Variants in MAP2 observed in about 807,000 individuals in gnomAD.
MAP2 encodes microtubule associated protein 2.
In MAP2, 14 loss-of-function variants were observed where a neutral mutation model predicts 137.6. That is an observed-to-expected ratio of 0.10 (90% CI 0.07 to 0.16). MAP2 has a LOEUF of 0.16. Among genes scored for constraint, MAP2 ranks in the 10% least tolerant of loss-of-function variants. MAP2 has a pLI of 1.00. For synonymous variants in MAP2, 786 were observed against 782.3 expected (o/e 1.00, Z -0.08); for missense variants, 2,088 against 2,191.5 (o/e 0.95, Z 0.94).
At chr2:209,710,301 A>T in intron 13 of MAP2, 47 bp downstream of exon 13, 3 of 1,431,710 alleles carry the variant, frequency 2.1e-6, no homozygotes, top group African/African-American at 1.4e-5. Context: ...TAATTATTAC[A>T]TTGCCTTCTT....
At position 209,695,082 on chromosome 2, in the gene MAP2, C is replaced by G; in HGVS notation, c.2912C>G (p.Ala971Gly). 6.2e-7 allele frequency: 1 copy of G among 1,614,078 alleles called. No homozygotes were observed. The highest frequency in any genetic ancestry group is 8.5e-7 in the Non-Finnish European group (1 of 1,180,008). ...DTVLEKSEEHADSKEHAKKTE... is the reference protein window; with the variant it reads ...DTVLEKSEEHGDSKEHAKKTE... ...GTACTAGAAAAGAGTGAAGAACATGCTGATTCAAAAGAACATGCCAAGAAA... is the reference window on the plus strand; with the variant it reads ...GTACTAGAAAAGAGTGAAGAACATGGTGATTCAAAAGAACATGCCAAGAAA... Residue 971 changes from alanine to glycine, a missense_variant, in exon 8 of 16, where the codon GCT becomes GGT. Transcript: ENST00000682079.
At chr2:209,522,457 G>GA (rs751090299) in intron 2 of MAP2, among the ~76,000 whole-genome samples, 38 of 152,148 alleles carry the variant, frequency 2.5e-4, no homozygotes, top group Non-Finnish European at 5.3e-4. Flanking sequence ...TCAGGTTGAG[G>GA]AAAATATTGC....
chr2:209,471,095 T>G (rs1705599403), intron 1 of MAP2, among the ~76,000 whole-genome samples: 1 of 152,200 alleles, frequency 6.6e-6, no homozygotes. Flanking sequence ...CTCTTGCCTG[T>G]TTTCCTAGTC....
At chr2:209,591,627 G>C (rs1264143802) in intron 3 of MAP2, among the ~76,000 whole-genome samples, 3 of 152,146 alleles carry the variant, frequency 2.0e-5, no homozygotes, top group African/African-American at 7.2e-5. Flanking sequence ...AGGACCAAAA[G>C]AAAATGAAAG....
rs181207847 is a variant in MAP2 at position 209,653,303 on chromosome 2, G to A, written c.133G>A (p.Ala45Thr). Residue 45 changes from alanine (A) to threonine (T), a missense_variant, in exon 5 of 16, where the codon GCC becomes ACC. Physicochemically the swap from Ala to Thr is moderately conservative, Grantham distance 58. Transcript: ENST00000682079. ...GGAGEGLVRS[A>T]NGFPYREDEE... ...AGCAGGGGAAGGACTTGTCCGAAGC[G>A]CCAATGGATTCCCATACAGGGAGGA... The A allele has an allele frequency of 5.6e-5, 91 of 1,614,128 alleles. No individual in the cohort carries two copies. In the Admixed American group the frequency reaches 1.2e-3, roughly 22 times the overall value.
At chr2:209,679,271 C>T (rs958205510) in intron 6 of MAP2, among the ~76,000 whole-genome samples, 2 of 151,926 alleles carry the variant, frequency 1.3e-5, no homozygotes, top group African/African-American at 4.8e-5. Flanking sequence ...AGTCATTTAA[C>T]GCATGCTTGC....
chr2:209,677,384 G>GATT (rs1349485757), intron 5 of MAP2, among the ~76,000 whole-genome samples: 1 of 148,530 alleles, frequency 6.7e-6, no homozygotes, highest in Non-Finnish European at 1.5e-5. Context: ...ATAGATGATA[G>GATT]ATTAGATAGA....
chr2:209,506,133 A>G (rs1576571489), intron 1 of MAP2, among the ~76,000 whole-genome samples: 1 of 152,190 alleles, frequency 6.6e-6, no homozygotes, highest in East Asian at 1.9e-4. Context: ...AAGTCAAGAT[A>G]GATATACTAA....
chr2:209,563,297 A>G (rs762496193), intron 2 of MAP2, among the ~76,000 whole-genome samples: 2 of 152,196 alleles, frequency 1.3e-5, no homozygotes, highest in South Asian at 2.1e-4. Flanking sequence ...CAGAGTTGCT[A>G]TGAGGATTAA....
At chr2:209,531,766 G>A (rs979363725) in intron 2 of MAP2, among the ~76,000 whole-genome samples, 1 of 152,110 alleles carries the variant, frequency 6.6e-6, no homozygotes, top group Non-Finnish European at 1.5e-5. Context: ...TGAAATTTAA[G>A]TGAGCTTAAT....
intron 3 of MAP2, among the ~76,000 whole-genome samples, chr2:209,597,980 G>C (rs930667668): frequency 5.3e-5 from 8 of 151,946 alleles, no homozygotes; most frequent in Non-Finnish European, 7.4e-5. Context: ...GAATCTCCAT[G>C]AGTGTCTGTC....
intron 2 of MAP2, among the ~76,000 whole-genome samples, chr2:209,560,152 A>C (rs1200403925): frequency 6.6e-6 from 1 of 152,176 alleles, no homozygotes; most frequent in South Asian, 2.1e-4. Flanking sequence ...ACTAAACAGA[A>C]CAGATGAAAG....
rs79835063 is a variant in MAP2 at position 209,631,572 on chromosome 2, C to CA, written c.-30+6456dup. Among the ~76,000 whole-genome samples, 769 of 127,192 alleles carry CA rather than the reference C, an allele frequency of 6.0e-3. 11 individuals are homozygous for CA. Among genetic ancestry groups the CA allele is most frequent in the African/African-American group, 0.018 (606 of 34,416 alleles). The allele number at this position is 127,192 out of a possible 152,430, so 83.4% of individuals were successfully genotyped here. A position where few individuals can be genotyped will look rare whatever the true frequency, so the allele number is the denominator to read the frequency against. On this transcript the variant is annotated intron_variant, in intron 4 of 15. Coordinates refer to ENST00000682079, the MANE Select transcript of MAP2 (RefSeq NM_001375505.1). ...TTGTCCCTCAGGCTTCTGTTGTTGG[C>CA]AAAAAAAAAAAAAGTAGTTAACAAG...
At chr2:209,501,120 T>G (rs1009083589) in intron 1 of MAP2, among the ~76,000 whole-genome samples, 1 of 152,182 alleles carries the variant, frequency 6.6e-6, no homozygotes, top group Non-Finnish European at 1.5e-5. Flanking sequence ...TCCATTTTTT[T>G]AAATATAACT....
At chr2:209,602,370 C>T (rs2083267816) in intron 3 of MAP2, among the ~76,000 whole-genome samples, 2 of 152,068 alleles carry the variant, frequency 1.3e-5, no homozygotes, top group South Asian at 2.1e-4. Context: ...CTTGGCTACC[C>T]ATCCAGTCAT....
At chr2:209,712,207 T>C (rs2065735563) in intron 13 of MAP2, among the ~76,000 whole-genome samples, 1 of 152,162 alleles carries the variant, frequency 6.6e-6, no homozygotes, top group South Asian at 2.1e-4. Flanking sequence ...CATATCTGGT[T>C]TGGAGTATTT....
chr2:209,439,848 T>C (rs1029525227), intron 1 of MAP2, among the ~76,000 whole-genome samples: 2 of 151,446 alleles, frequency 1.3e-5, no homozygotes, highest in Non-Finnish European at 3.0e-5. Context: ...TGAATAGATA[T>C]AGACAAAGCA....
intron 1 of MAP2, among the ~76,000 whole-genome samples, chr2:209,486,099 T>C (rs2058343918): frequency 6.6e-6 from 1 of 152,230 alleles, no homozygotes; most frequent in African/African-American, 2.4e-5. Context: ...AGGAACCTTG[T>C]TGACAACTTC....
intron 3 of MAP2, among the ~76,000 whole-genome samples, chr2:209,606,134 C>T (rs1162353049): frequency 2.0e-5 from 3 of 151,984 alleles, no homozygotes; most frequent in South Asian, 2.1e-4. Flanking sequence ...CACTCAAAAT[C>T]GTATATCAAG....
Sources: gnomAD v4.1 joint callset for allele counts (sites outside exome capture counted in the v4.1 genomes callset) on GRCh38, gnomAD v4.1.1 for gene constraint, MANE v1.5 for transcripts, NCBI Gene and HGNC (gene_info 2026-07-23, HGNC 2026-07-21) for gene names.